The following GREB1L variants were observed in gnomAD, a reference collection of about 807,000 sequenced individuals.
The protein encoded by GREB1L is GREB1 like retinoic acid receptor coactivator.
In GREB1L, 17 loss-of-function variants were observed where a neutral mutation model predicts 200.8. The observed-to-expected ratio is 0.08, with a 90% CI of 0.06 to 0.13. The LOEUF is 0.13. Ranked by LOEUF, GREB1L falls within the 10% of genes least tolerant of loss-of-function variation. GREB1L has a pLI of 1.00. For synonymous variants in GREB1L, 789 were observed against 893.0 expected (o/e 0.88, Z 2.08); for missense variants, 1,657 against 2,367.7 (o/e 0.70, Z 6.23).
intron 1 of GREB1L, among the ~76,000 whole-genome samples, chr18:21,356,354 C>T (rs2039504462): frequency 6.6e-6 from 1 of 152,162 alleles, no homozygotes; most frequent in Non-Finnish European, 1.5e-5. Context: ...CCCCTGATAA[C>T]TGTCATTTGA....
intron 30 of GREB1L, 66 bp downstream of exon 30, chr18:21,516,820 T>C (rs2037434545): frequency 7.1e-7 from 1 of 1,418,166 alleles, no homozygotes; most frequent in Admixed American, 2.3e-5. Flanking sequence ...TCTTTGTTAT[T>C]AGATGTTGGC....
chr18:21,253,329 C>T lies in GREB1L; in HGVS notation c.-120+10936C>T, dbSNP rs552880899. On this transcript the variant is annotated intron_variant, in intron 1 of 32. Coordinates refer to ENST00000424526, the MANE Select transcript of GREB1L (RefSeq NM_001142966.3). ...ATGCAATGGCACGATCTCGGTTCAC[C>T]GCAACCTCCACCTACCGGGTTCAAG... is the stretch of plus-strand genomic sequence containing the variant. Among the ~76,000 whole-genome samples, 23 of 150,944 alleles carry T rather than the reference C, an allele frequency of 1.5e-4. No homozygotes were observed. The South Asian group carries it at 1.9e-3, about 12-fold the overall frequency.
intron 1 of GREB1L, among the ~76,000 whole-genome samples, chr18:21,259,393 G>A (rs1462833464): frequency 6.6e-6 from 1 of 152,102 alleles, no homozygotes; most frequent in African/African-American, 2.4e-5. Flanking sequence ...CAATAAGTAA[G>A]CTAATAAGTC....
At chr18:21,306,168 G>A (rs1004638931) in intron 1 of GREB1L, among the ~76,000 whole-genome samples, 1 of 152,112 alleles carries the variant, frequency 6.6e-6, no homozygotes, top group African/African-American at 2.4e-5. Flanking sequence ...TGTTCACTGA[G>A]GTATCCCCAG....
intron 30 of GREB1L, among the ~76,000 whole-genome samples, 176 bp downstream of exon 30, chr18:21,516,930 G>A (rs1314642701): frequency 6.8e-6 from 1 of 146,498 alleles, no homozygotes; most frequent in Non-Finnish European, 1.5e-5. Flanking sequence ...ATGGAGAGCA[G>A]TGGCGTGATC....
chr18:21,381,293 AG>A (rs2040301455), intron 2 of GREB1L, among the ~76,000 whole-genome samples: 1 of 152,028 alleles, frequency 6.6e-6, no homozygotes, highest in African/African-American at 2.4e-5. Context: ...CTGTAATCCC[AG>A]CTACTCGGGA....
chr18:21,350,213 G>A (rs2039412594), intron 1 of GREB1L, among the ~76,000 whole-genome samples: 3 of 151,332 alleles, frequency 2.0e-5, no homozygotes, highest in South Asian at 4.2e-4. Context: ...CAGGGAAAGG[G>A]AATAGATTTT....
intron 17 of GREB1L, among the ~76,000 whole-genome samples, chr18:21,477,690 G>A (rs2035758014): frequency 6.6e-6 from 1 of 151,890 alleles, no homozygotes; most frequent in Non-Finnish European, 1.5e-5. Flanking sequence ...GGAGGCTGAG[G>A]CAGGAGAATC....
At chr18:21,430,298 G>A (rs1598822204) in intron 7 of GREB1L, among the ~76,000 whole-genome samples, 1 of 151,744 alleles carries the variant, frequency 6.6e-6, no homozygotes, top group African/African-American at 2.4e-5. Context: ...AAGGTTGCCA[G>A]TGATGCCCCG....
intron 1 of GREB1L, among the ~76,000 whole-genome samples, chr18:21,316,494 A>G (rs1598652820): frequency 6.6e-6 from 1 of 152,306 alleles, no homozygotes; most frequent in African/African-American, 2.4e-5. Flanking sequence ...AGGCACCTGA[A>G]GAGATGAAGC....
chr18:21,369,880 C>T (rs926326316), intron 2 of GREB1L, among the ~76,000 whole-genome samples: 2 of 147,944 alleles, frequency 1.4e-5, no homozygotes, highest in Non-Finnish European at 3.0e-5. Context: ...ACCCAGGAGG[C>T]GGAGGTTACA....
intron 5 of GREB1L, among the ~76,000 whole-genome samples, chr18:21,399,354 G>A (rs2041212624): frequency 6.6e-6 from 1 of 152,126 alleles, no homozygotes; most frequent in Non-Finnish European, 1.5e-5. Context: ...TGTCTGCTTT[G>A]TTCAGTGCTA....
Position 21,490,210 on chromosome 18 carries a change from C to G in GREB1L, c.2889C>G (p.Pro963=). The G allele has an allele frequency of 6.4e-7, 1 of 1,551,788 alleles. No individual in the cohort carries two copies. The highest frequency in any genetic ancestry group is 8.7e-7 in the Non-Finnish European group (1 of 1,147,030). The change falls in exon 19 of 33, where the codon CCC becomes CCG. Residue 963 remains proline, a synonymous_variant. Transcript: ENST00000424526. ...GRGHMLIIRV[P]SVQLAMLAKE... Reference sequence around the variant, plus strand: ...GACACATGCTCATTATCAGGGTGCCCTCGGTGCAGCTGGCGATGTTAGCCA... The same window carrying G: ...GACACATGCTCATTATCAGGGTGCCGTCGGTGCAGCTGGCGATGTTAGCCA...
chr18:21,415,615 G>C (rs2031552640), intron 7 of GREB1L, among the ~76,000 whole-genome samples: 1 of 151,852 alleles, frequency 6.6e-6, no homozygotes, highest in Non-Finnish European at 1.5e-5. Flanking sequence ...GAGAAAGGAA[G>C]AACCACCCAA....
intron 1 of GREB1L, among the ~76,000 whole-genome samples, chr18:21,327,228 G>T (rs1173668227): frequency 6.6e-6 from 1 of 152,178 alleles, no homozygotes; most frequent in Non-Finnish European, 1.5e-5. Context: ...GGCATGTCAT[G>T]ATGCAAATTC....
rs954633317 is a variant in GREB1L at position 21,508,837 on chromosome 18, A to T, written c.4735+246A>T. On this transcript the variant is annotated intron_variant, in intron 27 of 32. Transcript: ENST00000424526. ...TAATTAAGGAAGAAGTCACTGGTGT[A>T]CTGAGCACCCTGGGAAGGTTTGGGA... is the stretch of plus-strand genomic sequence containing the variant. 11 of 525,704 alleles carry T rather than the reference A, an allele frequency of 2.1e-5. No individual in the cohort carries two copies. The East Asian group carries it at 2.4e-4, about 12-fold the overall frequency. 32.6% of individuals were successfully genotyped at this position (525,704 alleles called of 1,614,324 possible).
Position 21,395,580 on chromosome 18 carries a change from T to TA in GREB1L, c.532+23dup. 1 of 1,512,972 alleles carries TA rather than the reference T, an allele frequency of 6.6e-7. No homozygotes were observed. The highest frequency in any genetic ancestry group is 8.9e-7 in the Non-Finnish European group (1 of 1,125,694). 93.7% of individuals were successfully genotyped at this position (1,512,972 alleles called of 1,614,324 possible). On this transcript the variant is annotated intron_variant, in intron 5 of 32. Coordinates refer to ENST00000424526, the MANE Select transcript of GREB1L (RefSeq NM_001142966.3). ...CTTTTAGGTGAGTGTTTCATGCTTA[T>TA]AAAATTCCTTCCAATATGAGGGAGT...
chr18:21,308,763 T>G (rs2038743356), intron 1 of GREB1L, among the ~76,000 whole-genome samples: 4 of 152,224 alleles, frequency 2.6e-5, no homozygotes. Flanking sequence ...TCAGCCTGAT[T>G]TCTGTGTCCC....
At chr18:21,245,810 C>T (rs1419379863) in intron 1 of GREB1L, among the ~76,000 whole-genome samples, 2 of 152,096 alleles carry the variant, frequency 1.3e-5, no homozygotes, top group African/African-American at 2.4e-5. Context: ...CTCCGCCTTC[C>T]GGGTTCACGC....
Sources: gnomAD v4.1 joint callset for allele counts (sites outside exome capture counted in the v4.1 genomes callset) on GRCh38, gnomAD v4.1.1 for gene constraint, MANE v1.5 for transcripts, NCBI Gene and HGNC (gene_info 2026-07-23, HGNC 2026-07-21) for gene names.